AGAP1: variants seen among roughly 807,000 people sequenced by gnomAD.
The protein encoded by AGAP1 is ArfGAP with GTPase domain, ankyrin repeat and PH domain 1.
AGAP1 carries 29 observed loss-of-function variants against 105.3 expected under a neutral mutation model. That is an observed-to-expected ratio of 0.28 (90% confidence interval 0.21 to 0.38). AGAP1 has a LOEUF of 0.38. Ranked by LOEUF, AGAP1 falls within the 10% of genes least tolerant of loss-of-function variation. The pLI is 1.00. For synonymous variants in AGAP1, 509 were observed against 485.9 expected (o/e 1.05, Z -0.63); for missense variants, 998 against 1,165.1 (o/e 0.86, Z 2.09).
rs1352986207 is a variant in AGAP1, at chr2:235,964,645, A to G, written c.1484-3817A>G. 6.6e-6 allele frequency among the ~76,000 whole-genome samples: 1 copy of G among 152,190 alleles called. No individual in the cohort carries two copies. Among genetic ancestry groups the G allele is most frequent in the East Asian group, 1.9e-4 (1 of 5,196 alleles). ...AGGCTTCTGAACACTGTTAAATCATAAATAAAAATTAATTAGGCTCGCCCT... is the reference window on the plus strand; with the variant it reads ...AGGCTTCTGAACACTGTTAAATCATGAATAAAAATTAATTAGGCTCGCCCT... On this transcript the variant is annotated intron_variant, in intron 12 of 17. Coordinates refer to ENST00000304032, the MANE Select transcript of AGAP1 (RefSeq NM_001037131.3). The surrounding 1 kb of genome is among the most constrained non-coding windows in gnomAD (Gnocchi z 4.6).
At chr2:236,085,733 G>A (rs559916162) in intron 16 of AGAP1, among the ~76,000 whole-genome samples, 2 of 152,376 alleles carry the variant, frequency 1.3e-5, no homozygotes, top group Non-Finnish European at 1.5e-5. Flanking sequence ...CAGGGACCAT[G>A]TGGTGGCCCC....
chr2:235,736,052 G>A lies in AGAP1; in HGVS notation c.311-4911G>A, dbSNP rs1232263796. Among the ~76,000 whole-genome samples, 2 of 151,718 alleles carry A rather than the reference G, an allele frequency of 1.3e-5. No homozygotes were observed. Among genetic ancestry groups the A allele is most frequent in the Non-Finnish European group, 2.9e-5 (2 of 67,976 alleles). ...GCTGTTTACCTCCTGTGATATCCTT[G>A]TGTCCTGGGGAAGCACAGATTTCAG... On this transcript the variant is annotated intron_variant, in intron 3 of 17. Transcript: ENST00000304032. The surrounding 1 kb of genome is among the most constrained non-coding windows in gnomAD (Gnocchi z 5.5).
At chr2:235,710,498 C>A (rs1011078483) in intron 2 of AGAP1, among the ~76,000 whole-genome samples, 4 of 151,544 alleles carry the variant, frequency 2.6e-5, no homozygotes, top group African/African-American at 9.7e-5. Flanking sequence ...CGGTGTCTGC[C>A]CCCCGCCCCA....
rs139812957 is a variant in AGAP1, at chr2:235,834,692, G to A, written c.1050+27361G>A. ...GAAAGGAGGTCCCTGCGAGGTCCCC[G>A]TGAGAGGATAGGAAAATGCCATTTA... On this transcript the variant is annotated intron_variant, in intron 9 of 17. Coordinates refer to ENST00000304032, the MANE Select transcript of AGAP1 (RefSeq NM_001037131.3). 6.2e-3 allele frequency among the ~76,000 whole-genome samples: 945 copies of A among 152,300 alleles called. 15 individuals are homozygous for A. The highest frequency in any genetic ancestry group is 0.029 in the Admixed American group (442 of 15,298).
chr2:235,816,264 C>T (rs185749087), intron 9 of AGAP1, among the ~76,000 whole-genome samples: 4 of 151,814 alleles, frequency 2.6e-5, no homozygotes, highest in African/African-American at 9.7e-5. Context: ...GGTAAAACCC[C>T]CGTCTCTACT....
At chr2:235,760,187 C>T (rs758004697) in intron 6 of AGAP1, among the ~76,000 whole-genome samples, 19 of 152,264 alleles carry the variant, frequency 1.2e-4, no homozygotes, top group Non-Finnish European at 2.4e-4. Flanking sequence ...TTGAGACCAG[C>T]CTGGCCAACA....
intron 10 of AGAP1, among the ~76,000 whole-genome samples, chr2:235,892,036 C>A (rs536652306): frequency 1.3e-5 from 2 of 152,074 alleles, no homozygotes; most frequent in Non-Finnish European, 2.9e-5. Context: ...TGCCTGTAAT[C>A]CCAGCTACTT....
At chr2:235,949,820 A>G (rs941967476) in intron 12 of AGAP1, among the ~76,000 whole-genome samples, 3 of 152,162 alleles carry the variant, frequency 2.0e-5, no homozygotes, top group African/African-American at 7.2e-5. Context: ...GTCTCTGATC[A>G]CCACAGTACC....
chr2:235,740,728 A>G lies in AGAP1; in HGVS notation c.311-235A>G, dbSNP rs963685954. Among the ~76,000 whole-genome samples the G allele has an allele frequency of 6.6e-5, 10 of 152,268 alleles. No individual in the cohort carries two copies. Among genetic ancestry groups the G allele is most frequent in the Admixed American group, 4.6e-4 (7 of 15,294 alleles). Reference sequence around the variant, plus strand: ...CACTAATTGGCCACGAGTGTCTGGCATTGCGAAGGAAGCTGTGCCTTCCAA... The same window carrying G: ...CACTAATTGGCCACGAGTGTCTGGCGTTGCGAAGGAAGCTGTGCCTTCCAA... On this transcript the variant is annotated intron_variant, in intron 3 of 17. Transcript: ENST00000304032. The surrounding 1 kb of genome is among the most constrained non-coding windows in gnomAD (Gnocchi z 5.7).
chr2:236,059,973 G>A (rs759624695), intron 16 of AGAP1, among the ~76,000 whole-genome samples: 8 of 151,994 alleles, frequency 5.3e-5, no homozygotes, highest in Non-Finnish European at 4.4e-5. Context: ...CACCTGTAAC[G>A]CCAGCTACTT....
At position 236,027,895 on chromosome 2, in the gene AGAP1, A is replaced by T. The variant is rs2057106481; in HGVS notation, c.1646-8666A>T. 6.6e-6 allele frequency among the ~76,000 whole-genome samples: 1 copy of T among 152,148 alleles called. No homozygotes were observed. The highest frequency in any genetic ancestry group is 2.4e-5 in the African/African-American group (1 of 41,440). ...CAGAGACAGACCATACCCAAGGATC[A>T]CAGAGATGGCACAGCTTCCTGCCCA... On this transcript the variant is annotated intron_variant, in intron 13 of 17. Coordinates refer to ENST00000304032, the MANE Select transcript of AGAP1 (RefSeq NM_001037131.3). The surrounding 1 kb of genome is among the most constrained non-coding windows in gnomAD (Gnocchi z 4.4).
At chr2:235,929,291 T>C (rs1376181568) in intron 11 of AGAP1, among the ~76,000 whole-genome samples, 9 of 152,100 alleles carry the variant, frequency 5.9e-5, no homozygotes, top group Non-Finnish European at 1.5e-5. Context: ...AGGTGGCAGG[T>C]GGGGCCTGGG....
rs1184477496 is a variant in AGAP1 at position 236,096,740 on chromosome 2, A to G, written c.2115-23452A>G. On this transcript the variant is annotated intron_variant, in intron 16 of 17. Transcript: ENST00000304032. This position sits in a 1 kb window ranked among gnomAD's most constrained non-coding sequence, Gnocchi z 4.4. ...ATTACAGGTGCCCACCACCACACCCAGCTAATTTTTTGTATTTTATTTTAG... is the reference window on the plus strand; with the variant it reads ...ATTACAGGTGCCCACCACCACACCCGGCTAATTTTTTGTATTTTATTTTAG... Among the ~76,000 whole-genome samples the G allele has an allele frequency of 4.0e-5, 6 of 151,472 alleles. No individual in the cohort carries two copies. Among genetic ancestry groups the G allele is most frequent in the Non-Finnish European group, 8.8e-5 (6 of 67,886 alleles).
At position 235,535,865 on chromosome 2, in the gene AGAP1, G is replaced by A. The variant is rs1943197157; in HGVS notation, c.163+41016G>A. On this transcript the variant is annotated intron_variant, in intron 1 of 17. Coordinates refer to ENST00000304032, the MANE Select transcript of AGAP1 (RefSeq NM_001037131.3). This position sits in a 1 kb window ranked among gnomAD's most constrained non-coding sequence, Gnocchi z 5.1. ...GCAGACACACATTAGGAGTCCACGC[G>A]CAGGTAGCCTGGCCTTTGAAGCTCT... Among the ~76,000 whole-genome samples, 1 of 151,950 alleles carries A rather than the reference G, an allele frequency of 6.6e-6. No homozygotes were observed. Among genetic ancestry groups the A allele is most frequent in the Non-Finnish European group, 1.5e-5 (1 of 68,012 alleles).
At chr2:235,673,749 A>G (rs1948570024) in intron 1 of AGAP1, among the ~76,000 whole-genome samples, 1 of 152,250 alleles carries the variant, frequency 6.6e-6, no homozygotes, top group Non-Finnish European at 1.5e-5. Context: ...CATTTTGGCC[A>G]TAATGTTTTA....
intron 1 of AGAP1, among the ~76,000 whole-genome samples, chr2:235,523,282 A>G (rs1559221808): frequency 1.3e-5 from 2 of 152,304 alleles, no homozygotes; most frequent in South Asian, 2.1e-4. Context: ...GCTTCAGCAT[A>G]CAGATTCAGG....
At chr2:235,541,224 A>G (rs1218793693) in intron 1 of AGAP1, among the ~76,000 whole-genome samples, 3 of 152,138 alleles carry the variant, frequency 2.0e-5, no homozygotes, top group Non-Finnish European at 4.4e-5. Flanking sequence ...TTAAGGGATA[A>G]TAAAAATGCC....
intron 11 of AGAP1, among the ~76,000 whole-genome samples, chr2:235,926,406 A>G (rs1013146297): frequency 4.6e-5 from 7 of 152,224 alleles, no homozygotes. Flanking sequence ...GTGTTAACCC[A>G]GCATGGCAGC....
chr2:235,767,272 A>G (rs1022488468), intron 6 of AGAP1, among the ~76,000 whole-genome samples: 16 of 152,246 alleles, frequency 1.1e-4, no homozygotes, highest in Middle Eastern at 3.4e-3. Flanking sequence ...TTCTCTCTTA[A>G]CAGAATGCAC....
Sources: allele counts gnomAD v4.1 joint callset (sites outside exome capture counted in the v4.1 genomes callset), GRCh38; gene constraint gnomAD v4.1.1; non-coding constraint Gnocchi (gnomAD v3.1); transcripts MANE v1.5; gene names NCBI Gene and HGNC (gene_info 2026-07-23, HGNC 2026-07-21).